CAB39L: variants seen among roughly 807,000 people sequenced by gnomAD.
CAB39L encodes the protein calcium binding protein 39 like.
In CAB39L, 23 loss-of-function variants were observed where a neutral mutation model predicts 39.1. The observed-to-expected ratio is 0.59, with a 90% CI of 0.42 to 0.83. The LOEUF (loss-of-function observed/expected upper bound fraction) is 0.83. Ranked by LOEUF, CAB39L falls within the 40% of genes least tolerant of loss-of-function variation. The pLI, the probability that CAB39L is intolerant of heterozygous loss-of-function variation, is 0.00. For missense variants in CAB39L, 366 were observed against 391.9 expected (o/e 0.93, Z 0.56); for synonymous variants, 126 against 137.2 (o/e 0.92, Z 0.57).
chr13:49,345,331 C>T (rs958044987), intron 7 of CAB39L, among the ~76,000 whole-genome samples: 7 of 152,154 alleles, frequency 4.6e-5, no homozygotes, highest in Non-Finnish European at 5.9e-5. Context: ...GCATTGTGTA[C>T]TATAATTTTC....
chr13:49,419,502 C>T (rs1051671129), intron 3 of CAB39L, among the ~76,000 whole-genome samples: 2 of 152,092 alleles, frequency 1.3e-5, no homozygotes, highest in Admixed American at 6.6e-5. Flanking sequence ...TGCTTGAGCC[C>T]GGGAGGTCAA....
chr13:49,380,347 T>C (rs964083132), intron 4 of CAB39L, among the ~76,000 whole-genome samples: 6 of 152,204 alleles, frequency 3.9e-5, no homozygotes, highest in African/African-American at 1.2e-4. Context: ...TCAAAACTCA[T>C]AAGCTTTCTT....
chr13:49,330,916 C>T (rs995718776), intron 10 of CAB39L, among the ~76,000 whole-genome samples: 3 of 151,702 alleles, frequency 2.0e-5, no homozygotes, highest in Non-Finnish European at 4.4e-5. Context: ...AGAAATATAC[C>T]CAATGATACA....
At chr13:49,323,956 T>C (rs1394465664) in intron 10 of CAB39L, among the ~76,000 whole-genome samples, 2 of 152,192 alleles carry the variant, frequency 1.3e-5, no homozygotes, top group Non-Finnish European at 2.9e-5. Flanking sequence ...GCATCTTGTA[T>C]TTTATCTGGC....
At chr13:49,424,013 T>A (rs1429005633) in intron 3 of CAB39L, among the ~76,000 whole-genome samples, 1 of 151,738 alleles carries the variant, frequency 6.6e-6, no homozygotes, top group East Asian at 1.9e-4. Flanking sequence ...GAATAACAAG[T>A]CCATACTGAC....
intron 3 of CAB39L, among the ~76,000 whole-genome samples, chr13:49,418,652 T>C (rs985043181): frequency 1.3e-5 from 2 of 152,200 alleles, no homozygotes; most frequent in African/African-American, 4.8e-5. Flanking sequence ...CACTGCAACC[T>C]TCCCCTCCTA....
At position 49,408,003 on chromosome 13, in the gene CAB39L, A is replaced by C. The variant is rs139726926; in HGVS notation, c.-31-25062T>G. 3.2e-3 allele frequency among the ~76,000 whole-genome samples: 495 copies of C among 152,320 alleles called. 1 individual carries two copies. Among genetic ancestry groups the C allele is most frequent in the African/African-American group, 0.011 (465 of 41,572 alleles). On this transcript the variant is annotated intron_variant, in intron 3 of 10. Transcript: ENST00000409308. ...ACGGAGTGCTAGACAAAAGAGCTAA[A>C]TAATTTGCGGACAAAACAGGCCATG...
At chr13:49,324,514 G>A (rs1453016942) in intron 10 of CAB39L, among the ~76,000 whole-genome samples, 1 of 152,134 alleles carries the variant, frequency 6.6e-6, no homozygotes, top group Non-Finnish European at 1.5e-5. Flanking sequence ...GAAATACAAA[G>A]GTCTGGCAAA....
chr13:49,329,574 TA>T (rs1954623909), intron 10 of CAB39L, among the ~76,000 whole-genome samples: 1 of 112,392 alleles, frequency 8.9e-6, no homozygotes, highest in Non-Finnish European at 1.8e-5. Context: ...TATATATATA[TA>T]TATATATATA....
intron 3 of CAB39L, among the ~76,000 whole-genome samples, chr13:49,426,677 G>A (rs1226192088): frequency 1.3e-5 from 2 of 152,042 alleles, no homozygotes; most frequent in East Asian, 1.9e-4. Context: ...TGCCTGCCTC[G>A]GCCTCCCAAA....
intron 6 of CAB39L, among the ~76,000 whole-genome samples, chr13:49,352,259 T>C (rs143237704): frequency 4.0e-5 from 6 of 151,808 alleles, no homozygotes; most frequent in African/African-American, 1.2e-4. Context: ...CAAAGTCAAA[T>C]TCAGTCTCTA....
chr13:49,343,156 C>T (rs1447060554), intron 8 of CAB39L, among the ~76,000 whole-genome samples: 1 of 152,148 alleles, frequency 6.6e-6, no homozygotes, highest in African/African-American at 2.4e-5. Context: ...TATAATGCTG[C>T]TTCTATTGCT....
intron 6 of CAB39L, among the ~76,000 whole-genome samples, chr13:49,359,427 T>C (rs1177821098): frequency 2.6e-5 from 4 of 151,946 alleles, no homozygotes; most frequent in African/African-American, 4.8e-5. Context: ...ATAGGGCAGA[T>C]AGGGAAGCAT....
At chr13:49,406,453 TA>T (rs923777723) in intron 3 of CAB39L, among the ~76,000 whole-genome samples, 1 of 151,448 alleles carries the variant, frequency 6.6e-6, no homozygotes, top group Non-Finnish European at 1.5e-5. Flanking sequence ...GCACTGGGAT[TA>T]CAGGTGTGAG....
chr13:49,442,508 C>T (rs1957543143), intron 1 of CAB39L, among the ~76,000 whole-genome samples: 3 of 152,056 alleles, frequency 2.0e-5, no homozygotes, highest in Admixed American at 6.6e-5. Flanking sequence ...AAATGATTCT[C>T]AGGCCAGGTG....
intron 1 of CAB39L, among the ~76,000 whole-genome samples, chr13:49,438,879 C>T (rs1381320515): frequency 6.6e-6 from 1 of 152,100 alleles, no homozygotes; most frequent in Non-Finnish European, 1.5e-5. Context: ...TGGTCCATTG[C>T]TTTGGCTTGC....
In CAB39L at chr13:49,310,917, A is replaced by G. The variant is rs1953965975; in HGVS notation, c.911T>C (p.Phe304Ser). The G allele has an allele frequency of 1.9e-6, 3 of 1,614,010 alleles. No individual in the cohort carries two copies. The highest frequency in any genetic ancestry group is 2.5e-6 in the Non-Finnish European group (3 of 1,180,016). ...LLKNQPKLIE[F>S]LSSFQKERTD... Reference sequence around the variant, plus strand: ...CCTTTCTTTTTGGAAGCTGCTCAGAAACTCAATGAGTTTGGGCTGATTTTT... The same window carrying G: ...CCTTTCTTTTTGGAAGCTGCTCAGAGACTCAATGAGTTTGGGCTGATTTTT... The change falls in exon 11 of 11, where the codon TTT becomes TCT. Residue 304 changes from phenylalanine to serine, a missense_variant. Coordinates refer to ENST00000409308, the MANE Select transcript of CAB39L (RefSeq NM_001079670.3).
intron 10 of CAB39L, 35 bp downstream of exon 10, chr13:49,331,912 C>T (rs1397737960): frequency 1.2e-6 from 2 of 1,604,638 alleles, no homozygotes; most frequent in African/African-American, 2.7e-5. Context: ...AAAAAAATTG[C>T]CTACAACATT....
chr13:49,366,626 TAAAAAAAA>T (rs770961088), intron 5 of CAB39L, among the ~76,000 whole-genome samples: 2 of 62,314 alleles, frequency 3.2e-5, no homozygotes, highest in Non-Finnish European at 2.9e-5. Context: ...AAACTCTGTC[TAAAAAAAA>T]AAAAAAAAAA....
Sources: allele counts gnomAD v4.1 joint callset (sites outside exome capture counted in the v4.1 genomes callset), GRCh38; gene constraint gnomAD v4.1.1; transcripts MANE v1.5; gene names NCBI Gene and HGNC (gene_info 2026-07-23, HGNC 2026-07-21).